Variants in RALGAPA2 observed in about 807,000 individuals in gnomAD.
The protein encoded by RALGAPA2 is ral GTPase-activating protein subunit alpha-2.
Under a neutral mutation model 230.4 loss-of-function variants are expected in RALGAPA2, and 139 were observed. The ratio of observed to expected loss-of-function variants is 0.60; its 90% CI spans 0.53 to 0.69. RALGAPA2 has a LOEUF of 0.69. Ranked by LOEUF, RALGAPA2 falls within the 30% of genes least tolerant of loss-of-function variation. The pLI is 0.00. For missense variants in RALGAPA2, 2,163 were observed against 2,276.0 expected, an observed-to-expected ratio of 0.95 and a Z score of 1.01; for synonymous variants, 847 against 837.8, an observed-to-expected ratio of 1.01 and a Z score of -0.19.
intron 26 of RALGAPA2, 56 bp from the exon 27 acceptor site, chr20:20,531,851 C>A (rs527924001): frequency 7.7e-7 from 1 of 1,290,386 alleles, no homozygotes; most frequent in South Asian, 1.3e-5. Flanking sequence ...TATACTTTCT[C>A]AGTATTTTCA....
chr20:20,658,980 T>C (rs2067681032), intron 3 of RALGAPA2, among the ~76,000 whole-genome samples: 1 of 152,146 alleles, frequency 6.6e-6, no homozygotes. Context: ...AACTAACATG[T>C]TACATCTGAA....
intron 3 of RALGAPA2, among the ~76,000 whole-genome samples, chr20:20,655,970 T>C (rs1358761981): frequency 1.3e-5 from 2 of 152,210 alleles, no homozygotes; most frequent in Non-Finnish European, 2.9e-5. Flanking sequence ...TCAAGTTTGA[T>C]TCTGGACATC....
chr20:20,536,791 A>G lies in RALGAPA2; in HGVS notation c.3286-7T>C, dbSNP rs752097900. 33 of 1,610,140 alleles carry G rather than the reference A, an allele frequency of 2.0e-5. No homozygotes were observed. In the Admixed American group the frequency reaches 2.3e-4, roughly 11 times the overall value. ...CAGCCTCTGAACGAGGCGCCTGCAC[A>G]TAAGGAAGAGGAGCACACACATTTC... is the stretch of plus-strand genomic sequence containing the variant. On this transcript the variant is annotated splice_polypyrimidine_tract_variant and splice_region_variant and intron_variant, in intron 24 of 39. Transcript: ENST00000202677.
chr20:20,515,854 G>C (rs939122955), intron 31 of RALGAPA2, among the ~76,000 whole-genome samples: 2 of 151,938 alleles, frequency 1.3e-5, no homozygotes, highest in African/African-American at 4.9e-5. Context: ...TGGGGCGGGG[G>C]GGGCAGGGAA....
At chr20:20,599,526 G>T (rs1603011559) in intron 16 of RALGAPA2, among the ~76,000 whole-genome samples, 1 of 152,202 alleles carries the variant, frequency 6.6e-6, no homozygotes, top group Admixed American at 6.5e-5. Context: ...TGTAAAATCA[G>T]TTTTATTCTA....
chr20:20,615,569 G>A (rs1568653267), intron 13 of RALGAPA2, among the ~76,000 whole-genome samples: 1 of 152,144 alleles, frequency 6.6e-6, no homozygotes, highest in East Asian at 1.9e-4. Context: ...AGGAAAAAAC[G>A]TAGTTTTAAT....
intron 1 of RALGAPA2, among the ~76,000 whole-genome samples, chr20:20,708,012 T>C (rs1213647184): frequency 2.0e-5 from 3 of 152,174 alleles, no homozygotes; most frequent in African/African-American, 7.2e-5. Context: ...GACATATGGC[T>C]AATGAGCACT....
At chr20:20,537,987 T>G (rs1244953664) in intron 24 of RALGAPA2, among the ~76,000 whole-genome samples, 1 of 152,214 alleles carries the variant, frequency 6.6e-6, no homozygotes, top group Non-Finnish European at 1.5e-5. Flanking sequence ...TGAGGCCATC[T>G]AGCTCCAGGT....
At position 20,465,197 on chromosome 20, in the gene RALGAPA2, A is replaced by ACACACACACTCT. The variant is rs772089136; in HGVS notation, c.5495+7631_5495+7632insAGAGTGTGTGTG. 5.6e-4 allele frequency among the ~76,000 whole-genome samples: 82 copies of ACACACACACTCT among 147,426 alleles called. No homozygotes were observed. The East Asian group carries it at 7.3e-3, about 13-fold the overall frequency. ...CACACACACACACACACACACACAC[A>ACACACACACTCT]CTCTCTCATACTAGGGGACAGCAGC... On this transcript the variant is annotated intron_variant, in intron 37 of 39. Transcript: ENST00000202677.
intron 37 of RALGAPA2, among the ~76,000 whole-genome samples, chr20:20,447,919 G>C (rs2060900885): frequency 6.6e-6 from 1 of 152,184 alleles, no homozygotes. Context: ...AGAGAAGGGA[G>C]AGAAACAAGG....
rs564436224 is a variant in RALGAPA2, at chr20:20,608,559, T to C, written c.1800+2756A>G. Among the ~76,000 whole-genome samples the C allele has an allele frequency of 1.2e-4, 18 of 152,256 alleles. No homozygotes were observed. The South Asian group carries it at 3.7e-3, about 32-fold the overall frequency. ...GTAATAAAAACTTAAAAATGTCCCG[T>C]CCCTTTTAACAGTCTCCTTGTTCTC... On this transcript the variant is annotated intron_variant, in intron 14 of 39. Transcript: ENST00000202677.
intron 33 of RALGAPA2, among the ~76,000 whole-genome samples, chr20:20,506,282 C>T (rs1028680964): frequency 3.9e-5 from 6 of 152,054 alleles, no homozygotes; most frequent in African/African-American, 1.2e-4. Context: ...GAAGCCCTGC[C>T]ATTTTCTCTT....
At chr20:20,419,506 G>C (rs562106007) in intron 37 of RALGAPA2, among the ~76,000 whole-genome samples, 4 of 152,272 alleles carry the variant, frequency 2.6e-5, no homozygotes, top group African/African-American at 9.6e-5. Flanking sequence ...AAATAGACCA[G>C]AATGTCAGAG....
chr20:20,488,205 C>T (rs1358728704), intron 36 of RALGAPA2, among the ~76,000 whole-genome samples: 1 of 152,182 alleles, frequency 6.6e-6, no homozygotes, highest in Non-Finnish European at 1.5e-5. Flanking sequence ...ACCCATGTTG[C>T]TGAAAGGTCA....
rs760359991 is a variant in RALGAPA2 at position 20,605,419 on chromosome 20, C to T, written c.1801-7G>A. The T allele has an allele frequency of 1.3e-6, 2 of 1,577,994 alleles. No homozygotes were observed. Among genetic ancestry groups the T allele is most frequent in the Non-Finnish European group, 1.7e-6 (2 of 1,148,264 alleles). ...TCCAAGCTACCATGAGCGTCTAAAACCAACCAACCAACAAGAGAATTCACA... is the reference window on the plus strand; with the variant it reads ...TCCAAGCTACCATGAGCGTCTAAAATCAACCAACCAACAAGAGAATTCACA... On this transcript the variant is annotated splice_region_variant and splice_polypyrimidine_tract_variant and intron_variant, in intron 14 of 39. Transcript: ENST00000202677.
chr20:20,524,802 G>C (rs745366266), intron 29 of RALGAPA2, 28 bp downstream of exon 29: 8 of 1,528,352 alleles, frequency 5.2e-6, no homozygotes, highest in Non-Finnish European at 6.2e-6. Context: ...AAAAACTATA[G>C]GAAAAACTTA....
chr20:20,517,484 G>C (rs1474403441), intron 31 of RALGAPA2, among the ~76,000 whole-genome samples: 1 of 152,174 alleles, frequency 6.6e-6, no homozygotes, highest in East Asian at 1.9e-4. Flanking sequence ...TCTATCTAGG[G>C]ATACTTCCCC....
intron 1 of RALGAPA2, among the ~76,000 whole-genome samples, chr20:20,681,826 T>C (rs2068531814): frequency 6.6e-6 from 1 of 152,110 alleles, no homozygotes; most frequent in South Asian, 2.1e-4. Flanking sequence ...GCCACTGCAC[T>C]TCAGCCTGGG....
chr20:20,593,360 C>G lies in RALGAPA2; in HGVS notation c.2204-2046G>C, dbSNP rs138729508. ...CAGCCAAGAACTGTTCATTTTTCTACAGAGAAACACAAAGCATATGTGCAC... is the reference window on the plus strand; with the variant it reads ...CAGCCAAGAACTGTTCATTTTTCTAGAGAGAAACACAAAGCATATGTGCAC... On this transcript the variant is annotated intron_variant, in intron 16 of 39. Coordinates refer to ENST00000202677, the MANE Select transcript of RALGAPA2 (RefSeq NM_020343.4). Among the ~76,000 whole-genome samples the G allele has an allele frequency of 9.8e-5, 15 of 152,356 alleles. 1 individual carries two copies. The East Asian group carries it at 2.9e-3, about 29-fold the overall frequency.
Sources: gnomAD v4.1 joint callset for allele counts (sites outside exome capture counted in the v4.1 genomes callset) on GRCh38, gnomAD v4.1.1 for gene constraint, MANE v1.5 for transcripts, NCBI Gene and HGNC (gene_info 2026-07-23, HGNC 2026-07-21) for gene names.